The following OSBPL5 variants were observed in gnomAD, a reference collection of about 807,000 sequenced individuals.
OSBPL5 encodes the protein oxysterol-binding protein-related protein 5.
In OSBPL5, 71 loss-of-function variants were observed where a neutral mutation model predicts 111.2. The observed-to-expected ratio is 0.64, with a 90% confidence interval of 0.53 to 0.78. OSBPL5 has a LOEUF of 0.78. Ranked by LOEUF, OSBPL5 falls within the 30% of genes least tolerant of loss-of-function variation. The probability of loss-of-function intolerance (pLI) is 0.00; values close to 1 mark genes in which losing one functional copy is unlikely to be tolerated. For synonymous variants in OSBPL5, 549 were observed against 513.9 expected (o/e 1.07, Z -0.93); for missense variants, 1,210 against 1,189.3 (o/e 1.02, Z -0.26).
chr11:3,145,271 A>T (rs11601774), intron 1 of OSBPL5, among the ~76,000 whole-genome samples: 15,465 of 152,048 alleles, frequency 0.1, 822 homozygotes, highest in South Asian at 0.14. Context: ...CCAGGGCTCC[A>T]GCCTCCGGAT....
In OSBPL5 at chr11:3,106,828, C is replaced by T. The variant is rs1857710690; in HGVS notation, c.1059+435G>A. Among the ~76,000 whole-genome samples the T allele has an allele frequency of 6.6e-6, 1 of 152,198 alleles. No individual in the cohort carries two copies. Among genetic ancestry groups the T allele is most frequent in the African/African-American group, 2.4e-5 (1 of 41,444 alleles). ...CCAGGTCTGTCTCATTCATGGCTCT[C>T]CCAGGGCCCCAGGAGAGCACCAGGT... On this transcript the variant is annotated intron_variant, in intron 9 of 21. Transcript: ENST00000263650. This position sits in a 1 kb window ranked among gnomAD's most constrained non-coding sequence, Gnocchi z 8.4.
rs1564830906 is a variant in OSBPL5, at chr11:3,103,888, A to AGCCCCCTTCCTGCCTCTGCAGCCCCC, written c.1244+304_1244+305insGGGGGCTGCAGAGGCAGGAAGGGGGC. ...GCCCCCTTCCTGCCTCTGTAGCCCC[A>AGCCCCCTTCCTGCCTCTGCAGCCCCC]TTCCTGCCTCTGCAGCCCCCTTCCT... is the stretch of plus-strand genomic sequence containing the variant. On this transcript the variant is annotated intron_variant, in intron 10 of 21. Transcript: ENST00000263650. 5.0e-4 allele frequency among the ~76,000 whole-genome samples: 51 copies of AGCCCCCTTCCTGCCTCTGCAGCCCCC among 102,932 alleles called. 1 individual carries two copies. The highest frequency in any genetic ancestry group is 7.2e-4 in the Non-Finnish European group (37 of 51,608). 67.5% of individuals were successfully genotyped at this position (102,932 alleles called of 152,430 possible). A position where few individuals can be genotyped will look rare whatever the true frequency, so the allele number is the denominator to read the frequency against.
chr11:3,112,042 CGCGCAT>C (rs1453620457), intron 7 of OSBPL5, among the ~76,000 whole-genome samples: 1 of 82,304 alleles, frequency 1.2e-5, no homozygotes, highest in African/African-American at 4.3e-5. Context: ...TGTATGTGTG[CGCGCAT>C]GTGTGTGCAT....
At chr11:3,136,076 C>T (rs1845941224) in intron 1 of OSBPL5, among the ~76,000 whole-genome samples, 1 of 152,228 alleles carries the variant, frequency 6.6e-6, no homozygotes, top group Non-Finnish European at 1.5e-5. Context: ...AGGTCAGGTT[C>T]TGCCTCTGCC....
rs572702022 is a variant in OSBPL5 at position 3,161,691 on chromosome 11, C to T, written c.-22+3525G>A. ...CGCCCACCATGAACCTGGCTTGGCCCAATCGCTTTCTCCATAGGAAGCCAT... is the reference window on the plus strand; with the variant it reads ...CGCCCACCATGAACCTGGCTTGGCCTAATCGCTTTCTCCATAGGAAGCCAT... On this transcript the variant is annotated intron_variant, in intron 1 of 21. Coordinates refer to ENST00000263650, the MANE Select transcript of OSBPL5 (RefSeq NM_020896.4). This position sits in a 1 kb window ranked among gnomAD's most constrained non-coding sequence, Gnocchi z 8.0. Among the ~76,000 whole-genome samples, 278 of 152,220 alleles carry T rather than the reference C, an allele frequency of 1.8e-3. 2 individuals carry two copies. The South Asian group carries it at 0.029, about 16-fold the overall frequency.
At chr11:3,145,101 C>T (rs1846296365) in intron 1 of OSBPL5, among the ~76,000 whole-genome samples, 1 of 152,228 alleles carries the variant, frequency 6.6e-6, no homozygotes, top group Non-Finnish European at 1.5e-5. Flanking sequence ...CACAGGAGCC[C>T]ATCCCTCCCG....
chr11:3,149,666 C>T (rs1041252037), intron 1 of OSBPL5, among the ~76,000 whole-genome samples: 1 of 152,246 alleles, frequency 6.6e-6, no homozygotes, highest in Admixed American at 6.5e-5. Flanking sequence ...CCTATCAGGA[C>T]ATGTGGTTTC....
chr11:3,135,759 C>A, intron 1 of OSBPL5, among the ~76,000 whole-genome samples: 1 of 152,224 alleles, frequency 6.6e-6, no homozygotes, highest in East Asian at 1.9e-4. Context: ...CCACCCACAC[C>A]CAGAGCCACT....
At chr11:3,153,224 T>C (rs1421307716) in intron 1 of OSBPL5, among the ~76,000 whole-genome samples, 1 of 152,164 alleles carries the variant, frequency 6.6e-6, no homozygotes, top group Non-Finnish European at 1.5e-5. Context: ...ATAGAACTTA[T>C]GGCATAGGGT....
chr11:3,109,031 G>A lies in OSBPL5; in HGVS notation c.692-1086C>T, dbSNP rs558880252. Among the ~76,000 whole-genome samples the A allele has an allele frequency of 6.1e-3, 930 of 152,194 alleles. 5 individuals carry two copies. Among genetic ancestry groups the A allele is most frequent in the Admixed American group, 0.012 (189 of 15,298 alleles). ...GATCTGCCTGCCTTGGCCTCCCAAAGTGCTGGGATTACAGGTGTGAGCCAC... is the reference window on the plus strand; with the variant it reads ...GATCTGCCTGCCTTGGCCTCCCAAAATGCTGGGATTACAGGTGTGAGCCAC... On this transcript the variant is annotated intron_variant, in intron 7 of 21. Transcript: ENST00000263650. The surrounding 1 kb of genome is among the most constrained non-coding windows in gnomAD (Gnocchi z 7.4).
Position 3,113,470 on chromosome 11 carries a change from C to T in OSBPL5, c.692-5525G>A, listed in dbSNP as rs1019824550. Among the ~76,000 whole-genome samples the T allele has an allele frequency of 3.3e-5, 5 of 152,210 alleles. No homozygotes were observed. Among genetic ancestry groups the T allele is most frequent in the South Asian group, 2.1e-4 (1 of 4,824 alleles). On this transcript the variant is annotated intron_variant, in intron 7 of 21. Transcript: ENST00000263650. The surrounding 1 kb of genome is among the most constrained non-coding windows in gnomAD (Gnocchi z 4.8). Reference sequence around the variant, plus strand: ...AGGAGTTCAAGACCAGTCTGGCCAACATAGTGAAACCCCATCTCTACTAAA... The same window carrying T: ...AGGAGTTCAAGACCAGTCTGGCCAATATAGTGAAACCCCATCTCTACTAAA...
In OSBPL5 at chr11:3,110,870, CTG is replaced by C. The variant is rs1857902070; in HGVS notation, c.692-2927_692-2926del. On this transcript the variant is annotated intron_variant, in intron 7 of 21. Coordinates refer to ENST00000263650, the MANE Select transcript of OSBPL5 (RefSeq NM_020896.4). This position sits in a 1 kb window ranked among gnomAD's most constrained non-coding sequence, Gnocchi z 5.3. ...TGTCTCATGTCTCCCTAAAACCAAACTGTGCTCTGACCACCCTGGGCACATCG... is the reference window on the plus strand; with the variant it reads ...TGTCTCATGTCTCCCTAAAACCAAACTGCTCTGACCACCCTGGGCACATCG... Among the ~76,000 whole-genome samples the C allele has an allele frequency of 6.6e-6, 1 of 152,186 alleles. No individual in the cohort carries two copies. Among genetic ancestry groups the C allele is most frequent in the Admixed American group, 6.5e-5 (1 of 15,276 alleles).
rs559982845 is a variant in OSBPL5 at position 3,142,689 on chromosome 11, G to A, written c.-21-13520C>T. Among the ~76,000 whole-genome samples, 150 of 152,256 alleles carry A rather than the reference G, an allele frequency of 9.9e-4. No individual in the cohort carries two copies. The highest frequency in any genetic ancestry group is 3.5e-3 in the African/African-American group (145 of 41,558). On this transcript the variant is annotated intron_variant, in intron 1 of 21. Coordinates refer to ENST00000263650, the MANE Select transcript of OSBPL5 (RefSeq NM_020896.4). This position sits in a 1 kb window ranked among gnomAD's most constrained non-coding sequence, Gnocchi z 7.1. ...TGTCTCTCCTCATAGACCCACTCAG[G>A]TGGAGACCTGTCCCTCTGTCTCCGT...
chr11:3,128,822 C>A (rs1858725338), intron 2 of OSBPL5, among the ~76,000 whole-genome samples, 191 bp downstream of exon 2: 1 of 152,072 alleles, frequency 6.6e-6, no homozygotes, highest in Non-Finnish European at 1.5e-5. Context: ...TCACCTGGCC[C>A]CGCAGGTCAA....
intron 14 of OSBPL5, among the ~76,000 whole-genome samples, chr11:3,099,759 A>G (rs1857389642): frequency 6.6e-6 from 1 of 152,142 alleles, no homozygotes; most frequent in Admixed American, 6.6e-5. Context: ...TCTACATGGA[A>G]TTACCCACCT....
chr11:3,130,888 G>A lies in OSBPL5; in HGVS notation c.-21-1719C>T, dbSNP rs1015057628. The stretch of plus-strand genomic sequence containing the variant: ...CAGCTCAGGATGGGAACCAGCAGCT[G>A]AGCGGAGGCCGGGCTTACTCAGACA... On this transcript the variant is annotated intron_variant, in intron 1 of 21. Coordinates refer to ENST00000263650, the MANE Select transcript of OSBPL5 (RefSeq NM_020896.4). The surrounding 1 kb of genome is among the most constrained non-coding windows in gnomAD (Gnocchi z 4.5). Among the ~76,000 whole-genome samples the A allele has an allele frequency of 2.6e-5, 4 of 152,126 alleles. No homozygotes were observed. Among genetic ancestry groups the A allele is most frequent in the African/African-American group, 9.7e-5 (4 of 41,404 alleles).
At chr11:3,134,106 A>AAGTCAGCCAAGTCCTGT (rs1452775499) in intron 1 of OSBPL5, among the ~76,000 whole-genome samples, 1 of 151,936 alleles carries the variant, frequency 6.6e-6, no homozygotes, top group East Asian at 1.9e-4. Context: ...GGAAGCCACC[A>AAGTCAGCCAAGTCCTGT]CCTGACCCCA....
chr11:3,103,839 TGCAGCCCCTTTCCAGTCTGC>T lies in OSBPL5; in HGVS notation c.1244+334_1244+353del, dbSNP rs1468279314. Among the ~76,000 whole-genome samples the T allele has an allele frequency of 3.5e-3, 280 of 80,688 alleles. 6 individuals are homozygous for T. Among genetic ancestry groups the T allele is most frequent in the South Asian group, 5.8e-3 (14 of 2,394 alleles). 52.9% of individuals were successfully genotyped at this position (80,688 alleles called of 152,430 possible). A position where few individuals can be genotyped will look rare whatever the true frequency, so the allele number is the denominator to read the frequency against. On this transcript the variant is annotated intron_variant, in intron 10 of 21. Coordinates refer to ENST00000263650, the MANE Select transcript of OSBPL5 (RefSeq NM_020896.4). ...GCCTGCGCAGCCCCCTTCCAGCCTC[TGCAGCCCCTTTCCAGTCTGC>T]GCAGCCCCCTTCCTGCCTCTGTAGC...
chr11:3,091,577 G>A (rs768712460), intron 19 of OSBPL5, among the ~76,000 whole-genome samples: 4 of 152,086 alleles, frequency 2.6e-5, no homozygotes, highest in East Asian at 1.9e-4. Flanking sequence ...GCGGGACTGC[G>A]AGGGTCTGGG....
Sources: gnomAD v4.1 joint callset for allele counts (sites outside exome capture counted in the v4.1 genomes callset) on GRCh38, gnomAD v4.1.1 for gene constraint, Gnocchi (gnomAD v3.1) non-coding constraint, MANE v1.5 for transcripts, NCBI Gene and HGNC (gene_info 2026-07-23, HGNC 2026-07-21) for gene names.